TUBD1: variants seen among roughly 807,000 people sequenced by gnomAD.
TUBD1 encodes the protein tubulin delta chain.
In TUBD1, 38 loss-of-function variants were observed where a neutral mutation model predicts 51.2. The observed-to-expected ratio is 0.74, with a 90% CI of 0.57 to 0.97. TUBD1 has a LOEUF of 0.97. Among genes scored for constraint, TUBD1 ranks in the 50% least tolerant of loss-of-function variants. TUBD1 has a pLI of 0.00. For synonymous variants in TUBD1, 169 were observed against 178.2 expected, an observed-to-expected ratio of 0.95 and a Z score of 0.41; for missense variants, 489 against 538.4, an observed-to-expected ratio of 0.91 and a Z score of 0.91.
At chr17:59,863,068 TA>T (rs2039535656) in intron 8 of TUBD1, among the ~76,000 whole-genome samples, 2 of 152,118 alleles carry the variant, frequency 1.3e-5, no homozygotes. Flanking sequence ...TGCTTCATAA[TA>T]AAATTCTACT....
chr17:59,880,724 C>T (rs547355460), intron 4 of TUBD1, among the ~76,000 whole-genome samples, 170 bp downstream of exon 4: 34 of 151,992 alleles, frequency 2.2e-4, no homozygotes, highest in Non-Finnish European at 3.2e-4. Flanking sequence ...CCATGTTAGC[C>T]GGGATGGTCT....
chr17:59,860,326 A>C lies in TUBD1; in HGVS notation c.1358T>G (p.Leu453Arg). 1.2e-6 allele frequency: 2 copies of C among 1,601,288 alleles called. No individual in the cohort carries two copies. Among genetic ancestry groups the C allele is most frequent in the Non-Finnish European group, 1.7e-6 (2 of 1,171,240 alleles). The change falls in exon 9 of 9, where the codon CTC (leucine) becomes CGC (arginine). Residue 453 changes from leucine to arginine, a missense_variant. Physicochemically the swap from Leu to Arg is moderately radical, Grantham distance 102. Coordinates refer to ENST00000325752, the MANE Select transcript of TUBD1 (RefSeq NM_016261.4). ...LEQVVASYCN[L>R] ...TACTTTTCCCATTGTTCAAGATCAGAGATTACAGTAACTGGCAACAACCTG... is the reference window on the plus strand; with the variant it reads ...TACTTTTCCCATTGTTCAAGATCAGCGATTACAGTAACTGGCAACAACCTG...
intron 8 of TUBD1, 98 bp from the exon 9 acceptor site, chr17:59,860,522 C>T (rs1489095992): frequency 4.2e-6 from 3 of 718,372 alleles, no homozygotes; most frequent in South Asian, 3.5e-5. Context: ...AGCTGATGAA[C>T]ATTTGAAGAT....
chr17:59,887,321 G>T (rs1174548383), intron 2 of TUBD1, among the ~76,000 whole-genome samples: 1 of 151,802 alleles, frequency 6.6e-6, no homozygotes, highest in African/African-American at 2.4e-5. Context: ...GCAATGAGCT[G>T]CAATCACACC....
In TUBD1 at chr17:59,860,420, A is replaced by G. The variant is rs2144398999; in HGVS notation, c.1264T>C (p.Tyr422His). 1 of 1,430,288 alleles carries G rather than the reference A, an allele frequency of 7.0e-7. No individual in the cohort carries two copies. The highest frequency in any genetic ancestry group is 9.7e-7 in the Non-Finnish European group (1 of 1,035,388). The allele number at this position is 1,430,288 out of a possible 1,614,324, so 88.6% of individuals were successfully genotyped here. The change falls in exon 9 of 9, where the codon TAC (tyrosine) becomes CAC (histidine). Residue 422 changes from tyrosine to histidine, a missense_variant. Tyr to His is a moderately conservative substitution (Grantham distance 83). Coordinates refer to ENST00000325752, the MANE Select transcript of TUBD1 (RefSeq NM_016261.4). ...CCAAATTTTGTGTACTGATGAATGT[A>G]GGCTCTGGTAGAAAAAAAAAAAAAA... ...KAWNMFASKA[Y>H]IHQYTKFGIE...
chr17:59,885,072 A>G, intron 3 of TUBD1: 1 of 354,268 alleles, frequency 2.8e-6, no homozygotes, highest in Non-Finnish European at 5.4e-6. Context: ...GGCATCCCAG[A>G]AAGTGGTGCC....
Position 59,859,502 on chromosome 17 carries a change from G to C in TUBD1, c.*820C>G, listed in dbSNP as rs147085726. The C allele has an allele frequency of 1.3e-3, 196 of 152,366 alleles. 1 individual carries two copies. Among genetic ancestry groups the C allele is most frequent in the East Asian group, 8.5e-3 (44 of 5,186 alleles). The allele number at this position is 152,366 out of a possible 1,614,324, so 9.4% of individuals were successfully genotyped here. On this transcript the variant is annotated 3_prime_UTR_variant, in exon 9 of 9. Coordinates refer to ENST00000325752, the MANE Select transcript of TUBD1 (RefSeq NM_016261.4). ...TATTTACTTTTGTACTTAAGCATAA[G>C]CATTTATTACCAAAATCCTCATATT... is the stretch of plus-strand genomic sequence containing the variant.
At position 59,863,700 on chromosome 17, in the gene TUBD1, A is replaced by C. The variant is rs768623164; in HGVS notation, c.1223T>G (p.Met408Arg). Residue 408 changes from methionine (M) to arginine (R), a missense_variant, in exon 8 of 9, where the codon ATG (methionine) becomes AGG (arginine). Transcript: ENST00000325752. ...NSQFLVKPLD[M>R]IVGKAWNMFA... ...CATATTCCATGCCTTCCCAACAATC[A>C]TATCAAGTGGTTTTACTAAGAACTG... 1 of 1,595,438 alleles carries C rather than the reference A, an allele frequency of 6.3e-7. No individual in the cohort carries two copies. Among genetic ancestry groups the C allele is most frequent in the African/African-American group, 1.4e-5 (1 of 73,644 alleles).
At chr17:59,874,876 C>T (rs1373062401) in intron 5 of TUBD1, among the ~76,000 whole-genome samples, 173 bp from the exon 6 acceptor site, 1 of 152,036 alleles carries the variant, frequency 6.6e-6, no homozygotes, top group Non-Finnish European at 1.5e-5. Context: ...CTATTACACA[C>T]CACCTCTTTG....
At chr17:59,881,244 G>A in intron 3 of TUBD1, 134 bp from the exon 4 acceptor site, 1 of 712,668 alleles carries the variant, frequency 1.4e-6, no homozygotes, top group Non-Finnish European at 2.3e-6. Context: ...GAAAGGTACA[G>A]GTACCCTGAC....
At chr17:59,886,267 A>G (rs2040719630) in intron 2 of TUBD1, 37 bp from the exon 3 acceptor site, 3 of 1,590,260 alleles carry the variant, frequency 1.9e-6, no homozygotes, top group African/African-American at 1.4e-5. Flanking sequence ...ATCGAAAGAA[A>G]AAAAGATTTA....
intron 6 of TUBD1, among the ~76,000 whole-genome samples, chr17:59,869,654 A>G (rs1228816451): frequency 6.6e-6 from 1 of 152,076 alleles, no homozygotes; most frequent in Non-Finnish European, 1.5e-5. Context: ...AACAGGTACT[A>G]TGGCCAAAAA....
chr17:59,888,993 T>C (rs1328127516), intron 2 of TUBD1, among the ~76,000 whole-genome samples: 1 of 143,530 alleles, frequency 7.0e-6, no homozygotes, highest in African/African-American at 2.6e-5. Flanking sequence ...ATTACAGGGA[T>C]GAGCCACCAT....
At chr17:59,885,675 C>CA in intron 3 of TUBD1, 1 of 622,064 alleles carries the variant, frequency 1.6e-6, no homozygotes, top group Admixed American at 3.1e-5. Context: ...CAAAACAAAA[C>CA]AAAAATCAGA....
intron 2 of TUBD1, among the ~76,000 whole-genome samples, chr17:59,887,233 T>G (rs1046096829): frequency 6.7e-6 from 1 of 150,134 alleles, no homozygotes; most frequent in Non-Finnish European, 1.5e-5. Context: ...TTAGCAAGAC[T>G]TGGTGGCGTG....
At chr17:59,882,022 CTG>C (rs1248310727) in intron 3 of TUBD1, among the ~76,000 whole-genome samples, 1 of 151,878 alleles carries the variant, frequency 6.6e-6, no homozygotes, top group Non-Finnish European at 1.5e-5. Flanking sequence ...AATTTCCTAA[CTG>C]TATTATTGAA....
chr17:59,866,518 C>A, intron 7 of TUBD1, 91 bp downstream of exon 7: 1 of 1,514,524 alleles, frequency 6.6e-7, no homozygotes, highest in Non-Finnish European at 8.9e-7. Context: ...TTCCTTTCTC[C>A]AAGAACACAG....
chr17:59,868,394 A>G (rs2039814157), intron 6 of TUBD1, among the ~76,000 whole-genome samples: 1 of 151,814 alleles, frequency 6.6e-6, no homozygotes, highest in Admixed American at 6.6e-5. Context: ...TGAGAGAAAT[A>G]GGGTAAATCT....
At chr17:59,866,820 G>C (rs2039726573) in intron 6 of TUBD1, 71 bp from the exon 7 acceptor site, 1 of 1,344,670 alleles carries the variant, frequency 7.4e-7, no homozygotes, top group Admixed American at 2.4e-5. Context: ...GTCTCACTCT[G>C]TTGCCCAGGC....
Sources: gnomAD v4.1 joint callset for allele counts (sites outside exome capture counted in the v4.1 genomes callset) on GRCh38, gnomAD v4.1.1 for gene constraint, MANE v1.5 for transcripts, NCBI Gene and HGNC (gene_info 2026-07-23, HGNC 2026-07-21) for gene names.